Variants in ARSL observed in about 807,000 individuals in gnomAD.
ARSL encodes the protein arylsulfatase E (chondrodysplasia punctata 1).
ARSL carries 4 observed loss-of-function variants against 31.1 expected under a neutral mutation model. The observed-to-expected ratio is 0.13, with a 90% CI of 0.06 to 0.29. The LOEUF is 0.29. ARSL is among the 10% of genes least tolerant of loss of function. ARSL has a pLI of 1.00. For synonymous variants in ARSL, 198 were observed against 209.9 expected (o/e 0.94, Z 0.49); for missense variants, 312 against 497.8 (o/e 0.63, Z 3.55).
At chrX:2,937,418 A>C (rs1300330877) in intron 9 of ARSL, among the ~76,000 whole-genome samples, 8 of 110,353 alleles carry the variant, frequency 7.2e-5, no homozygotes, top group African/African-American at 1.6e-4. Context: ...AAGAAAAAAA[A>C]GCTGAAAGAG....
intron 8 of ARSL, among the ~76,000 whole-genome samples, chrX:2,938,603 CA>C (rs2089237548): frequency 9.0e-6 from 1 of 111,067 alleles, no homozygotes; most frequent in South Asian, 3.8e-4. Context: ...GATGTGGCCA[CA>C]AGCCCAGGGA....
At chrX:2,936,073 C>T (rs1250857928) in intron 10 of ARSL, among the ~76,000 whole-genome samples, 1 of 110,874 alleles carries the variant, frequency 9.0e-6, no homozygotes, top group Non-Finnish European at 1.9e-5. Context: ...GTGGCTCATG[C>T]CTGTCATCCC....
At chrX:2,956,987 T>C (rs184091546) in intron 3 of ARSL, among the ~76,000 whole-genome samples, 2,305 of 106,715 alleles carry the variant, frequency 0.022, 62 homozygotes, top group African/African-American at 0.074. Context: ...TTTGGGAGGC[T>C]GAGGCAGGCA....
intron 1 of ARSL, 44 bp from the exon 2 acceptor site, chrX:2,960,464 T>C (rs775599783): frequency 6.8e-6 from 8 of 1,175,807 alleles, no homozygotes; most frequent in Admixed American, 2.3e-5. Context: ...ACAGCAGAAA[T>C]TGACCTGATT....
At chrX:2,957,001 C>T (rs1264614382) in intron 3 of ARSL, among the ~76,000 whole-genome samples, 2 of 104,341 alleles carry the variant, frequency 1.9e-5, no homozygotes, top group African/African-American at 3.6e-5. Flanking sequence ...GCAGGCAGAT[C>T]ACGAGGTCAG....
intron 5 of ARSL, among the ~76,000 whole-genome samples, chrX:2,950,498 T>C (rs1317483176): frequency 9.0e-6 from 1 of 111,048 alleles, no homozygotes; most frequent in Non-Finnish European, 1.9e-5. Context: ...GTGTCAAGAG[T>C]GGAGCCAGGT....
chrX:2,936,258 C>T (rs2089199464), intron 10 of ARSL, among the ~76,000 whole-genome samples: 1 of 109,958 alleles, frequency 9.1e-6, no homozygotes, highest in African/African-American at 3.3e-5. Flanking sequence ...TCACTTGAAC[C>T]CGGGAGACTG....
At chrX:2,967,760 C>A (rs2089709741), upstream of ARSL, among the ~76,000 whole-genome samples, 1 of 111,893 alleles carries the variant, frequency 8.9e-6, no homozygotes, top group Non-Finnish European at 1.9e-5. Context: ...AGCTTCAGCC[C>A]CGGGCTGCGA....
chrX:2,949,492 G>A lies in ARSL; in HGVS notation c.666C>T (p.Val222=), dbSNP rs1382457526. The A allele has an allele frequency of 1.7e-6, 2 of 1,211,506 alleles. No individual in the cohort carries two copies. Among genetic ancestry groups the A allele is most frequent in the African/African-American group, 1.7e-5 (1 of 57,728 alleles). Residue 222 remains valine (V), a synonymous_variant, in exon 6 of 11, where the codon GTC becomes GTT. Transcript: ENST00000381134. ...CTGACCAGATGACCGGCATCCACGA[G>A]ACGGGTATCAGGTGTGTGAGCTTCC... ...VAGKLTHLIP[V]SWMPVIWSAL... is the part of the protein sequence containing the mutation.
Position 2,944,036 on chromosome X carries a change from G to T in ARSL, c.992-837C>A, listed in dbSNP as rs753794862. ...TCTACAAATAATAAAAAAATTAGCCGGGTGTGGTAGTGCACACCTGTGGTC... is the reference window on the plus strand; with the variant it reads ...TCTACAAATAATAAAAAAATTAGCCTGGTGTGGTAGTGCACACCTGTGGTC... On this transcript the variant is annotated intron_variant, in intron 7 of 10. Coordinates refer to ENST00000381134, the MANE Select transcript of ARSL (RefSeq NM_000047.3). Among the ~76,000 whole-genome samples, 136 of 110,392 alleles carry T rather than the reference G, an allele frequency of 1.2e-3. 1 individual carries two copies. The highest frequency in any genetic ancestry group is 4.4e-3 in the African/African-American group (133 of 30,394).
intron 7 of ARSL, among the ~76,000 whole-genome samples, chrX:2,943,956 GCTCT>G (rs1444585534): frequency 9.1e-6 from 1 of 109,358 alleles, no homozygotes; most frequent in Non-Finnish European, 1.9e-5. Flanking sequence ...GAGGTGGGAG[GCTCT>G]TTGAGCCTAT....
At chrX:2,944,453 C>CAA (rs1164134651) in intron 7 of ARSL, among the ~76,000 whole-genome samples, 221 of 50,206 alleles carry the variant, frequency 4.4e-3, no homozygotes, top group African/African-American at 0.014. Flanking sequence ...GACTCGGTCT[C>CAA]AAAAAAAAAA....
In ARSL at chrX:2,934,938, A is replaced by C; in HGVS notation, c.1664T>G (p.Val555Gly). Residue 555 changes from valine to glycine, a missense_variant, in exon 11 of 11, where the codon GTT becomes GGT. Transcript: ENST00000381134. ...VWEHQRTLSPVPLQLDRLGNI... is the reference protein window; with the variant it reads ...VWEHQRTLSPGPLQLDRLGNI... ...GCCCAGCCTGTCCAGCTGCAGAGGA[A>C]CTGGGCTGAGTGTCCGCTGGTGTTC... 8.3e-7 allele frequency: 1 copy of C among 1,209,777 alleles called. No individual in the cohort carries two copies. The highest frequency in any genetic ancestry group is 1.1e-6 in the Non-Finnish European group (1 of 894,356).
intron 3 of ARSL, among the ~76,000 whole-genome samples, chrX:2,957,076 C>T (rs1007855408): frequency 8.4e-5 from 9 of 107,456 alleles, no homozygotes; most frequent in East Asian, 6.1e-4. Flanking sequence ...AAAAAATTAG[C>T]GGGGTGTGGT....
chrX:2,937,718 AG>A (rs2089222803), intron 9 of ARSL, among the ~76,000 whole-genome samples: 1 of 111,304 alleles, frequency 9.0e-6, no homozygotes, highest in Admixed American at 9.6e-5. Flanking sequence ...GAGGCTCCAG[AG>A]GAAGGTCCTC....
chrX:2,946,247 C>T, intron 6 of ARSL, 113 bp from the exon 7 acceptor site: 2 of 675,610 alleles, frequency 3.0e-6, no homozygotes, highest in Non-Finnish European at 4.4e-6. Flanking sequence ...AATGTCTTCT[C>T]AACTCTGCTC....
At position 2,959,929 on chromosome X, in the gene ARSL, AAGAAAGAGAGAG is replaced by A. The variant is rs763609848; in HGVS notation, c.23+437_23+448del. The A allele has an allele frequency of 2.3e-5, 6 of 264,738 alleles. 1 individual carries two copies. In the South Asian group the frequency reaches 1.3e-3, roughly 58 times the overall value. 21.8% of individuals were successfully genotyped at this position (264,738 alleles called of 1,213,427 possible). On this transcript the variant is annotated intron_variant, in intron 2 of 10. Transcript: ENST00000381134. ...AAAAAAATAAAGAAGGGAAGGAAGG[AAGAAAGAGAGAG>A]AGAAAGAAAGAAAGAAAGAAAGAAA...
intron 1 of ARSL, among the ~76,000 whole-genome samples, chrX:2,962,706 A>G: frequency 8.9e-6 from 1 of 111,823 alleles, no homozygotes; most frequent in Middle Eastern, 4.6e-3. Flanking sequence ...TGAGAAAGAC[A>G]ATGAGCTTTG....
chrX:2,948,370 A>C (rs2089413956), intron 6 of ARSL, among the ~76,000 whole-genome samples: 2 of 110,512 alleles, frequency 1.8e-5, no homozygotes, highest in South Asian at 7.5e-4. Context: ...CTGAAGATAG[A>C]CTTTTTTTTA....
Sources: gnomAD v4.1 joint callset for allele counts (sites outside exome capture counted in the v4.1 genomes callset) on GRCh38, gnomAD v4.1.1 for gene constraint, MANE v1.5 for transcripts, NCBI Gene and HGNC (gene_info 2026-07-23, HGNC 2026-07-21) for gene names.